VMP1: variants seen among roughly 807,000 people sequenced by gnomAD.
VMP1 encodes the protein vacuole membrane protein 1, also known as ectopic P-granules autophagy protein 3 homolog.
A neutral mutation model predicts 56.0 loss-of-function variants in VMP1; 11 were observed. The ratio of observed to expected loss-of-function variants is 0.20; its 90% CI spans 0.12 to 0.32. VMP1 has a LOEUF of 0.32. Among genes scored for constraint, VMP1 ranks in the 10% least tolerant of loss-of-function variants. VMP1 has a pLI of 1.00. For missense variants in VMP1, 296 were observed against 490.3 expected (o/e 0.60, Z 3.74); for synonymous variants, 149 against 165.0 (o/e 0.90, Z 0.74).
chr17:59,834,102 C>T (rs1412851504), intron 10 of VMP1: 4 of 151,024 alleles, frequency 2.6e-5, no homozygotes, highest in African/African-American at 7.3e-5. Flanking sequence ...ATTACAGGCG[C>T]CCGCCACCAA....
intron 6 of VMP1, among the ~76,000 whole-genome samples, chr17:59,768,622 G>A (rs1207189182): frequency 6.6e-6 from 1 of 151,602 alleles, no homozygotes; most frequent in Non-Finnish European, 1.5e-5. Flanking sequence ...AAAACAAGGG[G>A]GATGCTGTAA....
At chr17:59,796,413 G>A (rs775181784) in intron 7 of VMP1, among the ~76,000 whole-genome samples, 1 of 152,056 alleles carries the variant, frequency 6.6e-6, no homozygotes, top group African/African-American at 2.4e-5. Flanking sequence ...AAACATATAC[G>A]GAATGAATGT....
chr17:59,762,779 A>C (rs1003961511), intron 5 of VMP1, among the ~76,000 whole-genome samples: 2 of 152,176 alleles, frequency 1.3e-5, no homozygotes, highest in Non-Finnish European at 2.9e-5. Context: ...ACTTGAAAAA[A>C]CATTCTCAAA....
rs1410703669 is a variant in VMP1 at position 59,792,854 on chromosome 17, A to AAAAAATAAT, written c.715-15940_715-15939insAAATAATAA. ...ACATGAGCAAAAACGCCATCTCAAA[A>AAAAAATAAT]AATAATAATAATAATAATAATAATT... On this transcript the variant is annotated intron_variant, in intron 7 of 11. Transcript: ENST00000262291. Among the ~76,000 whole-genome samples, 23 of 86,436 alleles carry AAAAAATAAT rather than the reference A, an allele frequency of 2.7e-4. 1 individual carries two copies. The highest frequency in any genetic ancestry group is 7.7e-4 in the African/African-American group (22 of 28,610). 56.7% of individuals were successfully genotyped at this position (86,436 alleles called of 152,430 possible).
chr17:59,709,899 A>G (rs2143680392), intron 1 of VMP1, among the ~76,000 whole-genome samples: 1 of 152,312 alleles, frequency 6.6e-6, no homozygotes, highest in Middle Eastern at 3.4e-3. Flanking sequence ...TACATTAAAT[A>G]AGAAACCTTA....
At chr17:59,710,943 G>A (rs766024998) in intron 1 of VMP1, among the ~76,000 whole-genome samples, 5 of 152,098 alleles carry the variant, frequency 3.3e-5, no homozygotes, top group Non-Finnish European at 5.9e-5. Flanking sequence ...TGTGGTGGCA[G>A]ACGCCTGTAA....
chr17:59,733,266 T>G (rs554273824), intron 2 of VMP1, among the ~76,000 whole-genome samples: 4 of 152,296 alleles, frequency 2.6e-5, no homozygotes. Context: ...TTAATCACTC[T>G]TCTGTCCTCT....
chr17:59,718,353 C>T (rs1221510626), intron 1 of VMP1, among the ~76,000 whole-genome samples: 3 of 151,586 alleles, frequency 2.0e-5, no homozygotes, highest in Non-Finnish European at 4.4e-5. Flanking sequence ...CCTGCCACCA[C>T]GCCCGGCTGA....
At chr17:59,766,023 T>A (rs1051913986) in intron 6 of VMP1, among the ~76,000 whole-genome samples, 1 of 152,046 alleles carries the variant, frequency 6.6e-6, no homozygotes, top group Non-Finnish European at 1.5e-5. Flanking sequence ...TTACTTTTAT[T>A]TATTTGGCAA....
chr17:59,820,369 T>G (rs1001379791), intron 10 of VMP1, among the ~76,000 whole-genome samples: 16 of 152,190 alleles, frequency 1.1e-4, no homozygotes, highest in African/African-American at 3.9e-4. Context: ...CTGTGCATTA[T>G]AAGAGATGTA....
chr17:59,831,081 C>T (rs1334311585), intron 10 of VMP1, among the ~76,000 whole-genome samples: 2 of 152,168 alleles, frequency 1.3e-5, no homozygotes, highest in African/African-American at 4.8e-5. Context: ...CCACCTCAGC[C>T]TCCCAAAGTG....
intron 5 of VMP1, among the ~76,000 whole-genome samples, chr17:59,760,994 C>G (rs2036032836): frequency 6.6e-6 from 1 of 152,066 alleles, no homozygotes; most frequent in Non-Finnish European, 1.5e-5. Context: ...CCTCTGCCTC[C>G]TGGGTTCAAG....
chr17:59,811,302 C>T (rs2038043796), intron 8 of VMP1, among the ~76,000 whole-genome samples: 1 of 152,176 alleles, frequency 6.6e-6, no homozygotes, highest in Non-Finnish European at 1.5e-5. Flanking sequence ...AGAAAACAGC[C>T]ACCAAATATC....
intron 7 of VMP1, among the ~76,000 whole-genome samples, chr17:59,796,786 T>G (rs2037451806): frequency 6.6e-6 from 1 of 152,180 alleles, no homozygotes; most frequent in African/African-American, 2.4e-5. Flanking sequence ...GGAAAATCAT[T>G]TAGATTTTTT....
chr17:59,828,317 A>G (rs1037632954), intron 10 of VMP1, among the ~76,000 whole-genome samples: 2 of 152,230 alleles, frequency 1.3e-5, no homozygotes, highest in Non-Finnish European at 2.9e-5. Context: ...TACAGAAAAT[A>G]ATGCTAAATC....
intron 5 of VMP1, among the ~76,000 whole-genome samples, chr17:59,741,369 A>T (rs1335334009): frequency 6.6e-6 from 1 of 152,126 alleles, no homozygotes; most frequent in African/African-American, 2.4e-5. Context: ...AGGTGATAGG[A>T]AGAATGGATA....
At chr17:59,714,046 GAAAAAAA>G (rs771155795) in intron 1 of VMP1, among the ~76,000 whole-genome samples, 46 of 61,784 alleles carry the variant, frequency 7.4e-4, no homozygotes, top group African/African-American at 1.8e-3. Context: ...GTCTTAAAAG[GAAAAAAA>G]AAAAAAAAAA....
At chr17:59,747,990 A>G (rs1425341894) in intron 5 of VMP1, among the ~76,000 whole-genome samples, 2 of 151,756 alleles carry the variant, frequency 1.3e-5, no homozygotes, top group African/African-American at 4.8e-5. Context: ...AGGTCAGAAG[A>G]TCGAGACCAT....
At chr17:59,734,039 T>C (rs2034929380) in intron 2 of VMP1, among the ~76,000 whole-genome samples, 1 of 152,196 alleles carries the variant, frequency 6.6e-6, no homozygotes, top group Non-Finnish European at 1.5e-5. Context: ...AGAATGCCCT[T>C]CATAGAAGGT....
Sources: allele counts gnomAD v4.1 joint callset (sites outside exome capture counted in the v4.1 genomes callset), GRCh38; gene constraint gnomAD v4.1.1; transcripts MANE v1.5; gene names NCBI Gene and HGNC (gene_info 2026-07-23, HGNC 2026-07-21).